Variants in ARAP2 observed in about 807,000 individuals in gnomAD.
ARAP2 encodes ArfGAP with RhoGAP domain, ankyrin repeat and PH domain 2, also known as arf-GAP with Rho-GAP domain, ANK repeat and PH domain-containing protein 2.
ARAP2 carries 148 observed loss-of-function variants against 194.5 expected under a neutral mutation model. The observed-to-expected ratio is 0.76, with a 90% CI of 0.67 to 0.87. The LOEUF (loss-of-function observed/expected upper bound fraction) is 0.87, where lower values mean the gene tolerates loss of function less well. Ranked by LOEUF, ARAP2 falls within the 40% of genes least tolerant of loss-of-function variation. ARAP2 has a pLI of 0.00. For missense variants in ARAP2, 2,128 were observed against 1,989.7 expected (o/e 1.07, Z -1.32); for synonymous variants, 695 against 683.5 (o/e 1.02, Z -0.26).
chr4:36,121,469 G>T (rs1382681572), intron 22 of ARAP2, 143 bp from the exon 23 acceptor site: 3 of 654,278 alleles, frequency 4.6e-6, no homozygotes, highest in Non-Finnish European at 4.8e-6. Flanking sequence ...AAAGCATATG[G>T]TTCTTTCTTC....
In ARAP2 at chr4:36,244,422, GCCGCGGACCCGCGC is replaced by G. The variant is rs1754258990; in HGVS notation, c.-417_-404del. 1.3e-5 allele frequency: 2 copies of G among 149,928 alleles called. No individual in the cohort carries two copies. The highest frequency in any genetic ancestry group is 4.9e-5 in the African/African-American group (2 of 41,160). 9.3% of individuals were successfully genotyped at this position (149,928 alleles called of 1,614,324 possible). A position where few individuals can be genotyped will look rare whatever the true frequency, so the allele number is the denominator to read the frequency against. On this transcript the variant is annotated 5_prime_UTR_variant, in exon 1 of 33. Coordinates refer to ENST00000303965, the MANE Select transcript of ARAP2 (RefSeq NM_015230.4). ...CCGCACCTGGAGGCGGGGAGCGCGG[GCCGCGGACCCGCGC>G]TCAGCTCCGGAAACGCCGAGCCCGG...
chr4:36,187,369 T>C (rs533587964), intron 8 of ARAP2, 82 bp downstream of exon 8: 2 of 758,020 alleles, frequency 2.6e-6, no homozygotes, highest in East Asian at 3.4e-5. Flanking sequence ...TAAAGGTTTC[T>C]TGACATTCCT....
chr4:36,053,302 C>A lies in ARAP2; in HGVS notation n.322-1249G>T, dbSNP rs370455102. ...TACAGGCATGAGCCACCGCGCCCGG[C>A]CCAGCATGCAGTTTTTTATAAAAAA... is the stretch of plus-strand genomic sequence containing the variant. On this transcript the variant is annotated intron_variant and non_coding_transcript_variant, in intron 2 of 12. Coordinates refer to the ARAP2 transcript ENST00000503225. Among the ~76,000 whole-genome samples, 52 of 152,046 alleles carry A rather than the reference C, an allele frequency of 3.4e-4. No homozygotes were observed. In the South Asian group the frequency reaches 3.5e-3, roughly 10 times the overall value.
intron 4 of ARAP2, 38 bp downstream of exon 4, chr4:36,213,205 A>G: frequency 7.1e-7 from 1 of 1,408,028 alleles, no homozygotes; most frequent in Non-Finnish European, 1.0e-6. Flanking sequence ...AAAGCAAATA[A>G]TTGATTATGG....
At chr4:36,007,891 T>C (rs1249615132) in intron 9 of ARAP2, among the ~76,000 whole-genome samples, 1 of 152,086 alleles carries the variant, frequency 6.6e-6, no homozygotes, top group Non-Finnish European at 1.5e-5. Flanking sequence ...CAGTTCTATA[T>C]TCCAATAACT....
In ARAP2 at chr4:36,170,937, G is replaced by GA. The variant is rs112477826; in HGVS notation, c.1858-3891dup. ...AGATAACAGAAAAATGCAGTAGGTG[G>GA]AAAAAAAAAAATGCCTGGTGGCCTG... On this transcript the variant is annotated intron_variant, in intron 9 of 32. Transcript: ENST00000303965. Among the ~76,000 whole-genome samples, 228 of 145,706 alleles carry GA rather than the reference G, an allele frequency of 1.6e-3. 3 individuals are homozygous for GA. Among genetic ancestry groups the GA allele is most frequent in the South Asian group, 0.013 (60 of 4,602 alleles).
chr4:36,198,212 T>TA (rs1743564548), intron 6 of ARAP2, among the ~76,000 whole-genome samples: 1 of 152,102 alleles, frequency 6.6e-6, no homozygotes, highest in African/African-American at 2.4e-5. Flanking sequence ...CAGCAGAGGG[T>TA]AGGCCCTGGC....
chr4:36,228,238 G>A (rs1750744637), intron 2 of ARAP2, among the ~76,000 whole-genome samples: 1 of 152,170 alleles, frequency 6.6e-6, no homozygotes, highest in Non-Finnish European at 1.5e-5. Flanking sequence ...ATCTATTGGG[G>A]AGAGAGAGTC....
chr4:36,076,216 C>A (rs1162162344), intron 31 of ARAP2, among the ~76,000 whole-genome samples: 1 of 152,120 alleles, frequency 6.6e-6, no homozygotes, highest in Non-Finnish European at 1.5e-5. Flanking sequence ...AAATGTGCCA[C>A]AGTCTCTGCT....
intron 2 of ARAP2, 101 bp downstream of exon 2, chr4:36,228,470 AGGTAAATGAAT>A: frequency 8.9e-7 from 1 of 1,121,744 alleles, no homozygotes. Flanking sequence ...TTGGTTGAAT[AGGTAAATGAAT>A]ACAGTCAAAT....
intron 2 of ARAP2, among the ~76,000 whole-genome samples, chr4:36,216,939 CA>C (rs1480128801): frequency 1.1e-4 from 17 of 152,160 alleles, no homozygotes; most frequent in Non-Finnish European, 2.1e-4. Flanking sequence ...CTACTTCACA[CA>C]TAGGTTACAT....
chr4:36,049,794 T>C (rs1482413539), intron 3 of ARAP2, among the ~76,000 whole-genome samples: 1 of 152,078 alleles, frequency 6.6e-6, no homozygotes, highest in Non-Finnish European at 1.5e-5. Flanking sequence ...ACATGGAGTA[T>C]AAGGCTTTAT....
chr4:36,119,582 A>C, intron 24 of ARAP2, 68 bp downstream of exon 24: 1 of 1,138,654 alleles, frequency 8.8e-7, no homozygotes, highest in Non-Finnish European at 1.3e-6. Flanking sequence ...CACACAGCAA[A>C]TGTCTTTACT....
chr4:36,037,750 C>CA (rs1489974281), intron 5 of ARAP2, among the ~76,000 whole-genome samples: 3 of 151,680 alleles, frequency 2.0e-5, no homozygotes, highest in Non-Finnish European at 4.4e-5. Context: ...ATCCCTCATT[C>CA]AAAAAAAATC....
chr4:36,219,685 C>A (rs1748735946), intron 2 of ARAP2, among the ~76,000 whole-genome samples: 1 of 151,846 alleles, frequency 6.6e-6, no homozygotes, highest in Admixed American at 6.6e-5. Flanking sequence ...ACATTATATG[C>A]ATGTATATAT....
chr4:36,135,498 T>G (rs1169863601), intron 19 of ARAP2, among the ~76,000 whole-genome samples: 1 of 151,800 alleles, frequency 6.6e-6, no homozygotes, highest in Non-Finnish European at 1.5e-5. Context: ...CTATTGTTTC[T>G]ATTTTCCACA....
chr4:36,023,608 C>A (rs977735591), intron 5 of ARAP2, among the ~76,000 whole-genome samples: 1 of 151,956 alleles, frequency 6.6e-6, no homozygotes, highest in African/African-American at 2.4e-5. Context: ...TGATTTGCAT[C>A]TTACTGTACC....
At chr4:36,222,344 A>G (rs1352134985) in intron 2 of ARAP2, among the ~76,000 whole-genome samples, 1 of 152,128 alleles carries the variant, frequency 6.6e-6, no homozygotes, top group Non-Finnish European at 1.5e-5. Flanking sequence ...GGTAAACCTA[A>G]TGTGTGCATT....
At chr4:36,142,789 TC>T (rs1241358520) in intron 19 of ARAP2, among the ~76,000 whole-genome samples, 1 of 151,674 alleles carries the variant, frequency 6.6e-6, no homozygotes, top group African/African-American at 2.4e-5. Context: ...CAGGACTTCT[TC>T]CTTTTTATTT....
Sources: gnomAD v4.1 joint callset for allele counts (sites outside exome capture counted in the v4.1 genomes callset) on GRCh38, gnomAD v4.1.1 for gene constraint, MANE v1.5 for transcripts, NCBI Gene and HGNC (gene_info 2026-07-23, HGNC 2026-07-21) for gene names.